The following OR7C1 variants were observed in gnomAD, a reference collection of about 807,000 sequenced individuals.
The protein encoded by OR7C1 is olfactory receptor 7C1.
For missense variants in OR7C1, 324 were observed against 383.3 expected, an observed-to-expected ratio of 0.85 and a Z score of 1.29; for synonymous variants, 152 against 160.7, an observed-to-expected ratio of 0.95 and a Z score of 0.41.
At chr19:14,831,516 C>A (rs374271440) in intron 1 of OR7C1, among the ~76,000 whole-genome samples, 7 of 152,042 alleles carry the variant, frequency 4.6e-5, no homozygotes, top group African/African-American at 1.7e-4. Context: ...GCAATATTGG[C>A]TCACTGCAAG....
intron 1 of OR7C1, among the ~76,000 whole-genome samples, chr19:14,813,240 G>A (rs116849316): frequency 0.013 from 1,994 of 151,904 alleles, 31 homozygotes; most frequent in Non-Finnish European, 0.018. Context: ...CACTGTATTA[G>A]TCCATTTTCA....
intron 2 of OR7C1, among the ~76,000 whole-genome samples, chr19:14,803,998 C>T (rs148477255): frequency 1.7e-3 from 258 of 152,128 alleles, no homozygotes; most frequent in African/African-American, 2.9e-3. Flanking sequence ...CGTGAACCAC[C>T]GTGCCTGGCC....
At chr19:14,813,428 G>C (rs371304410) in intron 1 of OR7C1, among the ~76,000 whole-genome samples, 1 of 151,794 alleles carries the variant, frequency 6.6e-6, no homozygotes, top group Non-Finnish European at 1.5e-5. Context: ...GGTGGCGGGC[G>C]CCTGTAGTCC....
Position 14,809,905 on chromosome 19 carries a change from CAG to C in OR7C1, c.-536_-535del, listed in dbSNP as rs1421693541. ...GCAGGCAGGGCAAGGGGGTGGGTGT[CAG>C]GGGCTGGTTCTCTGGAGTGGATGGA... On this transcript the variant is annotated 5_prime_UTR_variant, in exon 2 of 5. It introduces an in-frame stop codon into an upstream open reading frame of the 5' UTR. Transcript: ENST00000641666. The C allele has an allele frequency of 2.6e-5, 4 of 151,982 alleles. No individual in the cohort carries two copies. The highest frequency in any genetic ancestry group is 2.6e-4 in the Admixed American group (4 of 15,254). 9.4% of individuals were successfully genotyped at this position (151,982 alleles called of 1,614,324 possible). A position where few individuals can be genotyped will look rare whatever the true frequency, so the allele number is the denominator to read the frequency against.
rs545758433 is a variant in OR7C1 at position 14,802,163 on chromosome 19, C to A, written c.-434-1399G>T. ...CAGTGGCATTGCTGAATATGACAAC[C>A]CCACAGTCCCACCAGTTCCTGGTGC... On this transcript the variant is annotated intron_variant, in intron 2 of 4. Transcript: ENST00000641666. Among the ~76,000 whole-genome samples the A allele has an allele frequency of 9.8e-5, 15 of 152,308 alleles. No homozygotes were observed. In the East Asian group the frequency reaches 2.7e-3, roughly 27 times the overall value.
At position 14,807,218 on chromosome 19, in the gene OR7C1, C is replaced by T. The variant is rs2147648425; in HGVS notation, c.-435+2588G>A. ...GTCTGTTCATGTAGGGATGGCCATG[C>T]TTCTATTAAGCACTTTTTTGTTTTA... is the stretch of plus-strand genomic sequence containing the variant. On this transcript the variant is annotated intron_variant, in intron 2 of 4. Transcript: ENST00000641666. 2.0e-5 allele frequency among the ~76,000 whole-genome samples: 3 copies of T among 151,956 alleles called. 1 individual carries two copies. In the Middle Eastern group the frequency reaches 0.01, roughly 517 times the overall value.
chr19:14,832,934 A>G (rs2044848342), intron 1 of OR7C1, among the ~76,000 whole-genome samples: 1 of 152,258 alleles, frequency 6.6e-6, no homozygotes, highest in African/African-American at 2.4e-5. Context: ...AAATCTAGAT[A>G]TAAAAGAATA....
At chr19:14,807,994 C>A (rs1374031026) in intron 2 of OR7C1, among the ~76,000 whole-genome samples, 1 of 150,638 alleles carries the variant, frequency 6.6e-6, no homozygotes, top group South Asian at 2.1e-4. Context: ...TTTTTTATTT[C>A]TTTAATAATA....
At chr19:14,830,487 T>C (rs1320586151) in intron 1 of OR7C1, among the ~76,000 whole-genome samples, 1 of 152,156 alleles carries the variant, frequency 6.6e-6, no homozygotes, top group Non-Finnish European at 1.5e-5. Flanking sequence ...GGGGATCTTA[T>C]AGGATGGAAA....
intron 1 of OR7C1, among the ~76,000 whole-genome samples, chr19:14,814,308 A>G (rs186049193): frequency 8.5e-5 from 13 of 152,346 alleles, no homozygotes; most frequent in African/African-American, 3.1e-4. Context: ...CAAAATATAT[A>G]AGGAACCCAA....
At chr19:14,832,737 T>G (rs2044845794) in intron 1 of OR7C1, among the ~76,000 whole-genome samples, 1 of 152,014 alleles carries the variant, frequency 6.6e-6, no homozygotes, top group Non-Finnish European at 1.5e-5. Flanking sequence ...CTTCATATTT[T>G]CATAAAAAGA....
At chr19:14,805,921 G>A (rs975808030) in intron 2 of OR7C1, among the ~76,000 whole-genome samples, 2 of 152,076 alleles carry the variant, frequency 1.3e-5, no homozygotes, top group African/African-American at 4.8e-5. Flanking sequence ...GACATATACT[G>A]ATATGAGTCA....
chr19:14,799,124 T>C (rs762198771), exon 5 of OR7C1: 1 of 1,536,426 alleles, frequency 6.5e-7, no homozygotes, highest in Non-Finnish European at 8.7e-7. Flanking sequence ...GATGTTTGGA[T>C]ACATTCAAGA....
chr19:14,819,846 T>C (rs2044732805), intron 1 of OR7C1, among the ~76,000 whole-genome samples: 1 of 152,216 alleles, frequency 6.6e-6, no homozygotes, highest in African/African-American at 2.4e-5. Flanking sequence ...TCGAAACCCA[T>C]GTTGATGTGA....
At chr19:14,818,629 T>C (rs535825847) in intron 1 of OR7C1, among the ~76,000 whole-genome samples, 3 of 152,346 alleles carry the variant, frequency 2.0e-5, no homozygotes, top group East Asian at 3.9e-4. Flanking sequence ...CATTCCTGTA[T>C]TTGATTGCAT....
At chr19:14,831,476 G>C (rs10417499) in intron 1 of OR7C1, among the ~76,000 whole-genome samples, 1 of 151,606 alleles carries the variant, frequency 6.6e-6, no homozygotes, top group South Asian at 2.1e-4. Context: ...ACAGAGTCTC[G>C]CTCTGTCGCC....
At position 14,799,439 on chromosome 19, in the gene OR7C1, C is replaced by T. The variant is rs77999564; in HGVS notation, c.698G>A (p.Arg233Lys). Residue 233 changes from arginine to lysine, a missense_variant, in exon 5 of 5, where the codon AGA becomes AAA. By Grantham distance (26) the Arg-to-Lys change is conservative. Transcript: ENST00000641666. ...ACAGGTGGAAAACGCTTTGTGCTTT[C>T]TCCCAGCTGAGGAAATCCTCAGTAT... 5.0e-3 allele frequency: 8,130 copies of T among 1,614,174 alleles called. 144 individuals carry two copies. Among genetic ancestry groups the T allele is most frequent in the African/African-American group, 0.046 (3,433 of 75,048 alleles).
At chr19:14,828,737 T>G (rs1248962892) in intron 1 of OR7C1, among the ~76,000 whole-genome samples, 1 of 116,310 alleles carries the variant, frequency 8.6e-6, no homozygotes, top group Non-Finnish European at 1.6e-5. Context: ...TCCAGCCTGG[T>G]GACAGAGCGA....
At position 14,803,136 on chromosome 19, in the gene OR7C1, G is replaced by A. The variant is rs1262570948; in HGVS notation, c.-434-2372C>T. 2.0e-5 allele frequency among the ~76,000 whole-genome samples: 3 copies of A among 151,802 alleles called. No homozygotes were observed. The East Asian group carries it at 5.8e-4, about 30-fold the overall frequency. ...AGCCTGGCCAACATGGTGAAACCCC[G>A]TCTCTACTAAAAATACAAAAATTAG... On this transcript the variant is annotated intron_variant, in intron 2 of 4. Transcript: ENST00000641666.
Sources: gnomAD v4.1 joint callset for allele counts (sites outside exome capture counted in the v4.1 genomes callset) on GRCh38, gnomAD v4.1.1 for gene constraint, MANE v1.5 for transcripts, NCBI Gene and HGNC (gene_info 2026-07-23, HGNC 2026-07-21) for gene names.